WWC1: variants seen among roughly 807,000 people sequenced by gnomAD.
WWC1 encodes the protein WW and C2 domain containing 1, also known as protein KIBRA.
In WWC1, 55 loss-of-function variants were observed where a neutral mutation model predicts 138.4. That is an observed-to-expected ratio of 0.40 (90% confidence interval 0.32 to 0.50). The LOEUF (loss-of-function observed/expected upper bound fraction) is 0.50. Ranked by LOEUF, WWC1 falls within the 20% of genes least tolerant of loss-of-function variation. WWC1 has a pLI of 0.72. For missense variants in WWC1, 1,226 were observed against 1,420.4 expected (o/e 0.86, Z 2.20); for synonymous variants, 524 against 564.9 (o/e 0.93, Z 1.03).
chr5:168,338,070 G>T (rs1245182994), intron 1 of WWC1, among the ~76,000 whole-genome samples: 1 of 152,090 alleles, frequency 6.6e-6, no homozygotes, highest in Non-Finnish European at 1.5e-5. Context: ...CAGCACTTTG[G>T]GAGGCCAAGG....
chr5:168,322,661 G>T (rs1183091104), intron 1 of WWC1, among the ~76,000 whole-genome samples: 1 of 152,180 alleles, frequency 6.6e-6, no homozygotes, highest in Non-Finnish European at 1.5e-5. Context: ...AATAATAACA[G>T]TGGCTTCAAG....
At chr5:168,296,779 G>A (rs985788654) in intron 1 of WWC1, among the ~76,000 whole-genome samples, 8 of 152,206 alleles carry the variant, frequency 5.3e-5, no homozygotes, top group Non-Finnish European at 8.8e-5. Flanking sequence ...GTGGAGCTGT[G>A]ATGTGAATAC....
At chr5:168,414,298 C>T (rs375317012) in intron 8 of WWC1, 50 bp from the exon 9 acceptor site, 9 of 1,594,088 alleles carry the variant, frequency 5.6e-6, no homozygotes, top group African/African-American at 5.4e-5. Context: ...ATCTCCTGTT[C>T]CCTCAGTGCC....
At chr5:168,415,243 C>G (rs1780515437) in intron 9 of WWC1, 1 of 152,208 alleles carries the variant, frequency 6.6e-6, no homozygotes, top group African/African-American at 2.4e-5. Context: ...TCTCTCTGCT[C>G]CAGCAAATGG....
intron 3 of WWC1, among the ~76,000 whole-genome samples, chr5:168,389,516 A>G (rs7737462): frequency 0.44 from 64,901 of 148,252 alleles, 15,497 homozygotes; most frequent in African/African-American, 0.63. Flanking sequence ...GGACTCTGAC[A>G]TCAGACAACC....
chr5:168,351,288 G>C (rs1446325335), intron 1 of WWC1, among the ~76,000 whole-genome samples: 1 of 152,164 alleles, frequency 6.6e-6, no homozygotes, highest in Non-Finnish European at 1.5e-5. Context: ...CTCTACTCTT[G>C]ATTGAATCTG....
intron 1 of WWC1, among the ~76,000 whole-genome samples, chr5:168,315,418 C>A (rs1051202375): frequency 6.6e-6 from 1 of 151,952 alleles, no homozygotes; most frequent in African/African-American, 2.4e-5. Context: ...CTTGATCGTT[C>A]CTTTGTGTCA....
chr5:168,380,719 G>C (rs1263337334), intron 2 of WWC1, among the ~76,000 whole-genome samples: 2 of 152,148 alleles, frequency 1.3e-5, no homozygotes, highest in Non-Finnish European at 2.9e-5. Context: ...CGAAGACTTA[G>C]AGTATTCATC....
At chr5:168,423,343 C>T (rs534432641) in intron 10 of WWC1, among the ~76,000 whole-genome samples, 190 bp from the exon 11 acceptor site, 1 of 152,096 alleles carries the variant, frequency 6.6e-6, no homozygotes, top group Non-Finnish European at 1.5e-5. Context: ...CAAAGCCCAG[C>T]TCTGCCATGT....
chr5:168,295,127 G>T (rs1238957861), intron 1 of WWC1, among the ~76,000 whole-genome samples: 2 of 152,104 alleles, frequency 1.3e-5, no homozygotes, highest in Admixed American at 1.3e-4. Context: ...TTTCCCTCCG[G>T]CATACCCCAT....
intron 1 of WWC1, among the ~76,000 whole-genome samples, chr5:168,344,475 T>C (rs1378049582): frequency 6.6e-6 from 1 of 152,214 alleles, no homozygotes; most frequent in African/African-American, 2.4e-5. Flanking sequence ...AGAATTGTCC[T>C]GTGGGTCAAG....
At chr5:168,464,528 T>G (rs1424092840) in intron 20 of WWC1, among the ~76,000 whole-genome samples, 1 of 152,202 alleles carries the variant, frequency 6.6e-6, no homozygotes, top group Non-Finnish European at 1.5e-5. Flanking sequence ...AAGTGCTTAG[T>G]GCCGTTCCTG....
chr5:168,329,398 C>T (rs1223139991), intron 1 of WWC1, among the ~76,000 whole-genome samples: 1 of 152,170 alleles, frequency 6.6e-6, no homozygotes, highest in Non-Finnish European at 1.5e-5. Context: ...CTCTTTTTCT[C>T]GTGAGGCAGA....
At chr5:168,340,053 C>CT (rs1554094023) in intron 1 of WWC1, among the ~76,000 whole-genome samples, 68 of 139,348 alleles carry the variant, frequency 4.9e-4, no homozygotes, top group Middle Eastern at 3.6e-3. Flanking sequence ...TTCTTTCTTT[C>CT]TTTCTTTTCT....
At chr5:168,342,515 T>C (rs1009303415) in intron 1 of WWC1, among the ~76,000 whole-genome samples, 7 of 152,082 alleles carry the variant, frequency 4.6e-5, no homozygotes, top group African/African-American at 1.7e-4. Flanking sequence ...AGATATGAGG[T>C]TGAATTCATG....
intron 8 of WWC1, among the ~76,000 whole-genome samples, chr5:168,410,590 GA>G (rs760194743): frequency 6.6e-5 from 10 of 152,094 alleles, no homozygotes; most frequent in Non-Finnish European, 1.3e-4. Flanking sequence ...CTTTTTTAGG[GA>G]CAGGGTCTCG....
chr5:168,440,087 T>C (rs1754612968), intron 15 of WWC1, among the ~76,000 whole-genome samples: 1 of 152,064 alleles, frequency 6.6e-6, no homozygotes, highest in Non-Finnish European at 1.5e-5. Context: ...TTAATATAAG[T>C]AACACAGAAT....
chr5:168,350,681 A>ATCATTCAC (rs1180627375), intron 1 of WWC1, among the ~76,000 whole-genome samples: 2 of 152,204 alleles, frequency 1.3e-5, no homozygotes, highest in Non-Finnish European at 2.9e-5. Flanking sequence ...TGTTATCATG[A>ATCATTCAC]TCATTCACTC....
At chr5:168,350,873 C>T (rs111403773) in intron 1 of WWC1, among the ~76,000 whole-genome samples, 16,050 of 152,082 alleles carry the variant, frequency 0.11, 1,431 homozygotes, top group East Asian at 0.43. Flanking sequence ...AGGCTGGGCG[C>T]GGTGGCTCAC....
Sources: gnomAD v4.1 joint callset for allele counts (sites outside exome capture counted in the v4.1 genomes callset) on GRCh38, gnomAD v4.1.1 for gene constraint, MANE v1.5 for transcripts, NCBI Gene and HGNC (gene_info 2026-07-23, HGNC 2026-07-21) for gene names.